Variants in CPM observed in about 807,000 individuals in gnomAD.
CPM encodes renal carboxypeptidase.
A neutral mutation model predicts 46.4 loss-of-function variants in CPM; 35 were observed. The observed-to-expected ratio is 0.75, with a 90% CI of 0.58 to 1.00. The LOEUF (loss-of-function observed/expected upper bound fraction) is 1.00, where lower values mean the gene tolerates loss of function less well. CPM is among the 50% of genes least tolerant of loss of function. The pLI, the probability that CPM is intolerant of heterozygous loss-of-function variation, is 0.00. For missense variants in CPM, 422 were observed against 530.4 expected, an observed-to-expected ratio of 0.80 and a Z score of 2.01; for synonymous variants, 195 against 195.3, an observed-to-expected ratio of 1.00 and a Z score of 0.01.
intron 2 of CPM, among the ~76,000 whole-genome samples, chr12:68,922,732 A>C (rs1357651440): frequency 6.6e-6 from 1 of 152,034 alleles, no homozygotes; most frequent in African/African-American, 2.4e-5. Context: ...AACCTGTGAC[A>C]TGCAGCAGTC....
intron 3 of CPM, among the ~76,000 whole-genome samples, chr12:68,878,717 T>C (rs150338978): frequency 6.3e-4 from 96 of 152,262 alleles, no homozygotes; most frequent in African/African-American, 2.2e-3. Context: ...TTAAACTCTT[T>C]CTCTATCGCA....
chr12:68,898,655 A>G (rs1004768520), intron 2 of CPM, among the ~76,000 whole-genome samples: 2 of 152,254 alleles, frequency 1.3e-5, no homozygotes, highest in Non-Finnish European at 2.9e-5. Flanking sequence ...CTGCCTGAAC[A>G]CAGCATGTGA....
At chr12:68,850,538 C>T (rs1015743414), downstream of CPM, 1 of 152,144 alleles carries the variant, frequency 6.6e-6, no homozygotes, top group Non-Finnish European at 1.5e-5. Context: ...AGCTTGAGCC[C>T]ATCCTCTGTC....
intron 2 of CPM, among the ~76,000 whole-genome samples, chr12:68,895,922 T>C (rs1448660617): frequency 6.6e-6 from 1 of 152,198 alleles, no homozygotes; most frequent in Non-Finnish European, 1.5e-5. Context: ...GTTTGGGTGA[T>C]TGATCATATG....
At chr12:68,952,234 G>C (rs1888947109) in intron 1 of CPM, among the ~76,000 whole-genome samples, 1 of 152,160 alleles carries the variant, frequency 6.6e-6, no homozygotes, top group African/African-American at 2.4e-5. Flanking sequence ...TTGGGTTTTT[G>C]CTTAGGATAA....
intron 2 of CPM, among the ~76,000 whole-genome samples, chr12:68,892,974 G>A (rs1886717131): frequency 6.6e-6 from 1 of 152,030 alleles, no homozygotes; most frequent in Non-Finnish European, 1.5e-5. Flanking sequence ...TGGAGGGTTG[G>A]GGGCAAGGGG....
At chr12:68,913,686 C>G (rs562939627) in intron 2 of CPM, 1 of 348,586 alleles carries the variant, frequency 2.9e-6, no homozygotes, top group Non-Finnish European at 5.6e-6. Context: ...GGCACATCCT[C>G]GGTTTATTCT....
At chr12:68,909,924 A>G (rs138455208) in intron 2 of CPM, among the ~76,000 whole-genome samples, 1,652 of 152,086 alleles carry the variant, frequency 0.011, 12 homozygotes, top group Non-Finnish European at 0.015. Flanking sequence ...ACCATGGCAC[A>G]TGTATACCTA....
rs150810218 is a variant in CPM at position 68,854,260 on chromosome 12, G to A, written c.*2177C>T. On this transcript the variant is annotated 3_prime_UTR_variant, in exon 9 of 9. Transcript: ENST00000551568. ...AGGCAGTTTCTGGGAAGGACTGGGA[G>A]TAGCAGTCTCCTGGCACCCCTTGTT... 85 of 152,346 alleles carry A rather than the reference G, an allele frequency of 5.6e-4. No homozygotes were observed. Among genetic ancestry groups the A allele is most frequent in the African/African-American group, 1.9e-3 (78 of 41,570 alleles). 9.4% of individuals were successfully genotyped at this position (152,346 alleles called of 1,614,324 possible).
chr12:68,935,226 TAAAG>T (rs1391819438), upstream of CPM, among the ~76,000 whole-genome samples: 3 of 145,556 alleles, frequency 2.1e-5, no homozygotes, highest in Non-Finnish European at 4.6e-5. Context: ...TTTTTTTTCT[TAAAG>T]AGAAGTTGTT....
chr12:68,944,557 C>T (rs1888812487), intron 1 of CPM, among the ~76,000 whole-genome samples: 1 of 152,102 alleles, frequency 6.6e-6, no homozygotes, highest in African/African-American at 2.4e-5. Flanking sequence ...ACACATGCCA[C>T]AACACCCAGA....
intron 2 of CPM, among the ~76,000 whole-genome samples, chr12:68,925,008 G>T (rs11833102): frequency 0.26 from 38,883 of 152,030 alleles, 7,136 homozygotes; most frequent in African/African-American, 0.53. Flanking sequence ...GTCTGTTAAT[G>T]ATGGGAAGGT....
intron 2 of CPM, among the ~76,000 whole-genome samples, chr12:68,889,390 T>A (rs1262968149): frequency 6.6e-6 from 1 of 152,248 alleles, no homozygotes. Flanking sequence ...AATTATAGCA[T>A]GTTCACTAAA....
rs1592626808 is a variant in CPM at position 68,854,142 on chromosome 12, T to C, written c.*2295A>G. The stretch of plus-strand genomic sequence containing the variant: ...GGAATGTATCTGGAATTCTTGATTA[T>C]AGACATGAAAACACTCTTCTGTCAG... On this transcript the variant is annotated 3_prime_UTR_variant, in exon 9 of 9. Transcript: ENST00000551568. 1 of 152,186 alleles carries C rather than the reference T, an allele frequency of 6.6e-6. No homozygotes were observed. The highest frequency in any genetic ancestry group is 2.4e-5 in the African/African-American group (1 of 41,432). 9.4% of individuals were successfully genotyped at this position (152,186 alleles called of 1,614,324 possible).
At chr12:68,958,755 A>G (rs531476108) in intron 1 of CPM, among the ~76,000 whole-genome samples, 1 of 152,180 alleles carries the variant, frequency 6.6e-6, no homozygotes, top group East Asian at 1.9e-4. Context: ...TTCTAGTCAC[A>G]CTCAGAATCA....
At chr12:68,922,562 A>T (rs1888080370) in intron 2 of CPM, among the ~76,000 whole-genome samples, 1 of 151,996 alleles carries the variant, frequency 6.6e-6, no homozygotes, top group East Asian at 1.9e-4. Flanking sequence ...ACTCCGGGTA[A>T]GTGCGTGATA....
intron 2 of CPM, among the ~76,000 whole-genome samples, chr12:68,924,480 G>GAAA (rs11420676): frequency 1.8e-4 from 26 of 145,646 alleles, no homozygotes; most frequent in African/African-American, 2.5e-4. Flanking sequence ...ACTCCATATA[G>GAAA]AAAAAAAAAA....
intron 7 of CPM, among the ~76,000 whole-genome samples, chr12:68,861,110 G>C (rs1197889719): frequency 6.6e-6 from 1 of 151,986 alleles, no homozygotes; most frequent in African/African-American, 2.4e-5. Context: ...TTGAACTCCT[G>C]AGCTCACATG....
intron 2 of CPM, among the ~76,000 whole-genome samples, chr12:68,927,182 A>C (rs534183501): frequency 6.6e-6 from 1 of 151,408 alleles, no homozygotes; most frequent in Non-Finnish European, 1.5e-5. Flanking sequence ...TCCCACCAAC[A>C]GTGTAAAAGT....
Sources: gnomAD v4.1 joint callset for allele counts (sites outside exome capture counted in the v4.1 genomes callset) on GRCh38, gnomAD v4.1.1 for gene constraint, MANE v1.5 for transcripts, NCBI Gene and HGNC (gene_info 2026-07-23, HGNC 2026-07-21) for gene names.